The following ARHGEF10 variants were observed in gnomAD, a reference collection of about 807,000 sequenced individuals.
The protein encoded by ARHGEF10 is Rho guanine nucleotide exchange factor (GEF) 10.
Under a neutral mutation model 147.4 loss-of-function variants are expected in ARHGEF10, and 140 were observed. That is an observed-to-expected ratio of 0.95 (90% CI 0.83 to 1.09). ARHGEF10 has a LOEUF of 1.09. Among genes scored for constraint, ARHGEF10 ranks in the 50% least tolerant of loss-of-function variants. The pLI is 0.00. For synonymous variants in ARHGEF10, 902 were observed against 695.8 expected, an observed-to-expected ratio of 1.30 and a Z score of -4.67; for missense variants, 2,222 against 1,752.7, an observed-to-expected ratio of 1.27 and a Z score of -4.78.
At chr8:1,832,041 G>A (rs1455422049) in intron 1 of ARHGEF10, among the ~76,000 whole-genome samples, 1 of 152,154 alleles carries the variant, frequency 6.6e-6, no homozygotes, top group Non-Finnish European at 1.5e-5. Flanking sequence ...TGTGGAATGC[G>A]GTGCTTCCTC....
chr8:1,828,169 G>T (rs1338469906), intron 1 of ARHGEF10, among the ~76,000 whole-genome samples: 1 of 152,260 alleles, frequency 6.6e-6, no homozygotes, highest in Non-Finnish European at 1.5e-5. Context: ...GGTGAGTCAG[G>T]CTCCTGCAAG....
At chr8:1,861,338 A>G (rs898051808) in intron 4 of ARHGEF10, among the ~76,000 whole-genome samples, 2 of 152,206 alleles carry the variant, frequency 1.3e-5, no homozygotes, top group African/African-American at 4.8e-5. Flanking sequence ...ACTGCAGCCC[A>G]AGGGCTGGGG....
chr8:1,930,896 T>TGATCCCTGGCC (rs1391682618), intron 25 of ARHGEF10, among the ~76,000 whole-genome samples: 2 of 152,248 alleles, frequency 1.3e-5, no homozygotes, highest in Admixed American at 6.5e-5. Flanking sequence ...GTGACCCTGC[T>TGATCCCTGGCC]GATCCCTGGC....
At chr8:1,917,734 C>T (rs1811865209) in intron 18 of ARHGEF10, among the ~76,000 whole-genome samples, 1 of 152,144 alleles carries the variant, frequency 6.6e-6, no homozygotes, top group Non-Finnish European at 1.5e-5. Context: ...TCAACTCTAA[C>T]AAAAATTCTG....
chr8:1,909,390 G>A lies in ARHGEF10; in HGVS notation c.2063G>A (p.Ser688Asn), dbSNP rs143290224. The change falls in exon 18 of 29, where the codon AGC (serine) becomes AAC (asparagine). Residue 688 changes from serine to asparagine, a missense_variant. Coordinates refer to ENST00000349830, the MANE Select transcript of ARHGEF10 (RefSeq NM_014629.4). ...GTGGACGCCATCGAGTATGGCAGCA[G>A]CGCAGGCACGGGCGAGCACAGCAGG... is the stretch of plus-strand genomic sequence containing the variant. ...GHVDAIEYGS[S>N]AGTGEHSRHL... 6.4e-4 allele frequency: 1,032 copies of A among 1,614,160 alleles called. 8 individuals are homozygous for A. The Middle Eastern group carries it at 0.013, about 20-fold the overall frequency.
Position 1,948,751 on chromosome 8 carries a change from C to T in ARHGEF10, c.3397+3096C>T, listed in dbSNP as rs117433038. ...CATCTCCTCTGTCTAGTCGTCTTTG[C>T]CTTTCAGCTAATATTTCATATATTT... On this transcript the variant is annotated intron_variant, in intron 27 of 28. Coordinates refer to ENST00000349830, the MANE Select transcript of ARHGEF10 (RefSeq NM_014629.4). The surrounding 1 kb of genome is among the most constrained non-coding windows in gnomAD (Gnocchi z 4.9). Among the ~76,000 whole-genome samples the T allele has an allele frequency of 0.032, 4,819 of 152,246 alleles. 108 individuals are homozygous for T. The highest frequency in any genetic ancestry group is 0.054 in the Non-Finnish European group (3,696 of 68,014).
In ARHGEF10 at chr8:1,882,706, G is replaced by A; in HGVS notation, c.1032G>A (p.Lys344=). ...TGGAGAGGACCAGGGCAGCCGTGAA[G>A]AGGGGCCGCTCCTTCATCAGGACCA... ...DGLERTRAAV[K]RGRSFIRTKS... is the part of the protein sequence containing the mutation. The change falls in exon 10 of 29, where the codon AAG becomes AAA. Residue 344 remains lysine (K), a synonymous_variant. Transcript: ENST00000349830. 1.3e-6 allele frequency: 2 copies of A among 1,556,358 alleles called. No homozygotes were observed. Among genetic ancestry groups the A allele is most frequent in the South Asian group, 1.2e-5 (1 of 84,392 alleles).
chr8:1,880,143 C>T lies in ARHGEF10; in HGVS notation c.939C>T (p.Leu313=). The part of the protein sequence containing the change: ...STVGVVEIQQ[L]RQKHELKMQK... ...TGGGCGTGGTGGAGATTCAGCAGCT[C>T]AGGCAGAAGCATGAACTGAAGGTAG... Residue 313 remains leucine (L), a synonymous_variant, in exon 9 of 29, where the codon CTC becomes CTT. Coordinates refer to ENST00000349830, the MANE Select transcript of ARHGEF10 (RefSeq NM_014629.4). 1.2e-6 allele frequency: 2 copies of T among 1,613,618 alleles called. No individual in the cohort carries two copies. The highest frequency in any genetic ancestry group is 1.7e-6 in the Non-Finnish European group (2 of 1,179,560).
chr8:1,926,511 G>A (rs748445196), intron 23 of ARHGEF10, 48 bp downstream of exon 23: 26 of 1,544,198 alleles, frequency 1.7e-5, no homozygotes, highest in East Asian at 2.2e-5. Context: ...GAGAATCAAC[G>A]TTCATGGTCG....
chr8:1,936,682 A>G (rs929847518), intron 26 of ARHGEF10, among the ~76,000 whole-genome samples: 1 of 152,216 alleles, frequency 6.6e-6, no homozygotes, highest in African/African-American at 2.4e-5. Flanking sequence ...ACTTCTCTAG[A>G]CCATCGTTAG....
At chr8:1,908,642 G>A (rs546329621) in intron 17 of ARHGEF10, among the ~76,000 whole-genome samples, 2 of 152,356 alleles carry the variant, frequency 1.3e-5, no homozygotes, top group South Asian at 2.1e-4. Context: ...CTGCGGGGAT[G>A]CTGGCGATGT....
chr8:1,909,356 C>A lies in ARHGEF10; in HGVS notation c.2029C>A (p.Leu677Met). 6.2e-7 allele frequency: 1 copy of A among 1,614,238 alleles called. No individual in the cohort carries two copies. Among genetic ancestry groups the A allele is most frequent in the Non-Finnish European group, 8.5e-7 (1 of 1,180,044 alleles). ...GTACTTGCTGAAGTGGAGCGTTCCA[C>A]TGGGACATGTGGACGCCATCGAGTA... ...QRYLLKWSVP[L>M]GHVDAIEYGS... Residue 677 changes from leucine (L) to methionine (M), a missense_variant, in exon 18 of 29, where the codon CTG (leucine) becomes ATG (methionine). Leu to Met is a conservative substitution (Grantham distance 15). Coordinates refer to ENST00000349830, the MANE Select transcript of ARHGEF10 (RefSeq NM_014629.4).
At position 1,929,357 on chromosome 8, in the gene ARHGEF10, C is replaced by G. The variant is rs1812929298; in HGVS notation, c.2993C>G (p.Ser998Cys). The G allele has an allele frequency of 1.2e-6, 2 of 1,613,834 alleles. No homozygotes were observed. The highest frequency in any genetic ancestry group is 1.7e-6 in the Non-Finnish European group (2 of 1,180,064). The change falls in exon 25 of 29, where the codon TCC becomes TGC. Residue 998 changes from serine to cysteine, a missense_variant. Physicochemically the swap from Ser to Cys is moderately radical, Grantham distance 112. Coordinates refer to ENST00000349830, the MANE Select transcript of ARHGEF10 (RefSeq NM_014629.4). ...CAGCACTTTTTCACTCCTGAGAAGT[C>G]CACAGTCATGAGCCTGGCTTGCACG... ...RLQHFFTPEKSTVMSLACTSQ... is the reference protein window; with the variant it reads ...RLQHFFTPEKCTVMSLACTSQ...
chr8:1,857,064 C>T (rs377310773), intron 2 of ARHGEF10, among the ~76,000 whole-genome samples: 24 of 152,326 alleles, frequency 1.6e-4, no homozygotes, highest in East Asian at 9.6e-4. Context: ...ACCTGTGACT[C>T]GCCTCCTGCA....
intron 18 of ARHGEF10, among the ~76,000 whole-genome samples, chr8:1,920,489 A>AT (rs1332402920): frequency 0.013 from 1,306 of 97,988 alleles, 17 homozygotes; most frequent in African/African-American, 0.046. Flanking sequence ...TGCCTGGCTA[A>AT]TTTTTTTTTT....
intron 1 of ARHGEF10, among the ~76,000 whole-genome samples, chr8:1,832,761 G>GAC (rs1382689848): frequency 1.1e-5 from 1 of 90,718 alleles, no homozygotes; most frequent in Middle Eastern, 7.5e-3. Context: ...GACAGAGACA[G>GAC]AGGCAGAGAC....
chr8:1,864,058 C>T (rs367745537), intron 4 of ARHGEF10, among the ~76,000 whole-genome samples: 16 of 151,890 alleles, frequency 1.1e-4, no homozygotes, highest in African/African-American at 2.2e-4. Flanking sequence ...CGGTCACAGC[C>T]GTGGCTCCCA....
rs188556556 is a variant in ARHGEF10 at position 1,875,836 on chromosome 8, A to G, written c.680-735A>G. On this transcript the variant is annotated intron_variant, in intron 7 of 28. Transcript: ENST00000349830. ...AGTGCTTAATTACTAAGGATTTTTA[A>G]GGCCAAGTTTTGTTACAGTGAATGA... 9.7e-3 allele frequency among the ~76,000 whole-genome samples: 1,473 copies of G among 152,354 alleles called. 14 individuals are homozygous for G. The highest frequency in any genetic ancestry group is 0.016 in the Non-Finnish European group (1,119 of 68,036).
In ARHGEF10 at chr8:1,928,476, A is replaced by G; in HGVS notation, c.2747A>G (p.Gln916Arg). The G allele has an allele frequency of 6.2e-7, 1 of 1,614,176 alleles. No homozygotes were observed. Among genetic ancestry groups the G allele is most frequent in the Non-Finnish European group, 8.5e-7 (1 of 1,180,038 alleles). Residue 916 changes from glutamine to arginine, a missense_variant, in exon 24 of 29, where the codon CAA (glutamine) becomes CGA (arginine). Physicochemically the swap from Gln to Arg is conservative, Grantham distance 43. Coordinates refer to ENST00000349830, the MANE Select transcript of ARHGEF10 (RefSeq NM_014629.4). ...GGTCAGATTGCCATCGTCTCGTTTC[A>G]AAATTCCACTCCCAAAGTCATTGAG... The part of the protein sequence containing the change: ...QMGQIAIVSF[Q>R]NSTPKVIECF...
Sources: allele counts gnomAD v4.1 joint callset (sites outside exome capture counted in the v4.1 genomes callset), GRCh38; gene constraint gnomAD v4.1.1; non-coding constraint Gnocchi (gnomAD v3.1); transcripts MANE v1.5; gene names NCBI Gene and HGNC (gene_info 2026-07-23, HGNC 2026-07-21).